Variants in GABRG2 observed in about 807,000 individuals in gnomAD.
The protein encoded by GABRG2 is gamma-aminobutyric acid receptor subunit gamma-2.
GABRG2 carries 16 observed loss-of-function variants against 56.4 expected under a neutral mutation model. The ratio of observed to expected loss-of-function variants is 0.28; its 90% confidence interval spans 0.19 to 0.43. The LOEUF (loss-of-function observed/expected upper bound fraction) is 0.43, where lower values mean the gene tolerates loss of function less well. Ranked by LOEUF, GABRG2 falls within the 20% of genes least tolerant of loss-of-function variation. The pLI is 1.00. For synonymous variants in GABRG2, 208 were observed against 205.5 expected, an observed-to-expected ratio of 1.01 and a Z score of -0.10; for missense variants, 327 against 582.7, an observed-to-expected ratio of 0.56 and a Z score of 4.52.
chr5:162,131,973 C>T (rs1763786808), intron 6 of GABRG2, among the ~76,000 whole-genome samples: 1 of 151,624 alleles, frequency 6.6e-6, no homozygotes, highest in Admixed American at 6.6e-5. Flanking sequence ...TTTTGGGTGG[C>T]ATTCAGAGTT....
chr5:162,149,825 G>T (rs1489799774), intron 8 of GABRG2: 1 of 350,420 alleles, frequency 2.9e-6, no homozygotes, highest in Non-Finnish European at 5.6e-6. Flanking sequence ...TATTGGTCAG[G>T]CTGGTCTCGA....
chr5:162,145,936 T>C (rs1764920021), intron 7 of GABRG2, among the ~76,000 whole-genome samples: 2 of 152,216 alleles, frequency 1.3e-5, no homozygotes, highest in Admixed American at 6.5e-5. Flanking sequence ...AAATGATTTT[T>C]AGTTAAGAAA....
At chr5:162,122,503 C>T (rs777393651) in intron 6 of GABRG2, among the ~76,000 whole-genome samples, 10 of 151,702 alleles carry the variant, frequency 6.6e-5, no homozygotes, top group Non-Finnish European at 1.0e-4. Context: ...ATAAACCGTT[C>T]GTTACACATA....
At chr5:162,152,565 C>A in intron 9 of GABRG2, 1 of 318,218 alleles carries the variant, frequency 3.1e-6, no homozygotes. Context: ...TAAGCCATAC[C>A]ATTGTGGTAT....
At chr5:162,147,616 G>A (rs1256382915) in intron 7 of GABRG2, among the ~76,000 whole-genome samples, 5 of 151,916 alleles carry the variant, frequency 3.3e-5, no homozygotes, top group East Asian at 1.9e-4. Context: ...CACCCACCTC[G>A]GCCTCCCAGA....
At chr5:162,069,637 C>G (rs771796882) in intron 1 of GABRG2, among the ~76,000 whole-genome samples, 3 of 152,146 alleles carry the variant, frequency 2.0e-5, no homozygotes, top group Middle Eastern at 3.4e-3. Context: ...CTTTTTGTAC[C>G]TTACTAATTT....
intron 9 of GABRG2, chr5:162,152,023 G>A (rs1364834171): frequency 5.5e-6 from 2 of 360,494 alleles, no homozygotes; most frequent in Non-Finnish European, 5.0e-6. Flanking sequence ...AAGCCAAAAT[G>A]AGCTTCCTCT....
chr5:162,084,281 C>T (rs1480135543), intron 1 of GABRG2, among the ~76,000 whole-genome samples: 1 of 151,806 alleles, frequency 6.6e-6, no homozygotes, highest in Non-Finnish European at 1.5e-5. Context: ...TGTACTAGAG[C>T]AGATGTCCCA....
chr5:162,115,944 C>T (rs1030035878), intron 6 of GABRG2, among the ~76,000 whole-genome samples: 2 of 151,956 alleles, frequency 1.3e-5, no homozygotes, highest in African/African-American at 4.8e-5. Flanking sequence ...ATATGATGCT[C>T]ATTTTCCAGA....
rs572041163 is a variant in GABRG2, at chr5:162,148,435, A to G, written c.923-673A>G. Reference sequence around the variant, plus strand: ...AGATACTTATTTTAATCCTATAATAATCTAAAAAGAATCCATCAATCAGAG... The same window carrying G: ...AGATACTTATTTTAATCCTATAATAGTCTAAAAAGAATCCATCAATCAGAG... On this transcript the variant is annotated intron_variant, in intron 7 of 9. Transcript: ENST00000639213. Among the ~76,000 whole-genome samples, 66 of 137,168 alleles carry G rather than the reference A, an allele frequency of 4.8e-4. 1 individual carries two copies. The highest frequency in any genetic ancestry group is 1.7e-3 in the African/African-American group (59 of 34,926). 90.0% of individuals were successfully genotyped at this position (137,168 alleles called of 152,430 possible). A position where few individuals can be genotyped will look rare whatever the true frequency, so the allele number is the denominator to read the frequency against.
chr5:162,075,864 A>T (rs1464318283), intron 1 of GABRG2, among the ~76,000 whole-genome samples: 2 of 152,132 alleles, frequency 1.3e-5, no homozygotes, highest in African/African-American at 4.8e-5. Flanking sequence ...GATGACCCTC[A>T]GTCAACCAGT....
At chr5:162,101,112 C>A in intron 4 of GABRG2, 123 bp from the exon 5 acceptor site, 1 of 729,766 alleles carries the variant, frequency 1.4e-6, no homozygotes, top group South Asian at 1.6e-5. Flanking sequence ...CATTGGGGAT[C>A]ACTCTGTGTT....
chr5:162,105,015 T>C (rs1309418800), intron 6 of GABRG2, among the ~76,000 whole-genome samples: 1 of 152,228 alleles, frequency 6.6e-6, no homozygotes, highest in East Asian at 1.9e-4. Context: ...CATTGTGTTC[T>C]CAGCTTACCA....
intron 6 of GABRG2, among the ~76,000 whole-genome samples, chr5:162,120,597 C>T (rs903706449): frequency 6.6e-6 from 1 of 152,094 alleles, no homozygotes. Flanking sequence ...ATAGAGACGG[C>T]ATGTGAGCTC....
intron 5 of GABRG2, chr5:162,102,610 A>C (rs1761512901): frequency 2.2e-6 from 1 of 451,532 alleles, no homozygotes; most frequent in Non-Finnish European, 4.4e-6. Flanking sequence ...GGCTCACTAC[A>C]GCCTTCGCTT....
chr5:162,141,035 G>T (rs1335523139), intron 6 of GABRG2, among the ~76,000 whole-genome samples: 2 of 151,330 alleles, frequency 1.3e-5, no homozygotes, highest in Non-Finnish European at 2.9e-5. Context: ...TCTTTTTTTT[G>T]TTTGTTTCTT....
intron 6 of GABRG2, among the ~76,000 whole-genome samples, chr5:162,113,407 A>G (rs1762393319): frequency 6.6e-6 from 1 of 152,204 alleles, no homozygotes; most frequent in Non-Finnish European, 1.5e-5. Context: ...TTCCACAATG[A>G]TGACAAGAAG....
At chr5:162,104,047 AT>A (rs1761628850) in intron 6 of GABRG2, 21 bp downstream of exon 6, 2 of 1,613,458 alleles carry the variant, frequency 1.2e-6, no homozygotes, top group Non-Finnish European at 8.5e-7. Flanking sequence ...CTGGCAAAGA[AT>A]TTCAAGTGAC....
intron 6 of GABRG2, among the ~76,000 whole-genome samples, chr5:162,126,729 A>G (rs888330795): frequency 2.0e-5 from 3 of 151,934 alleles, no homozygotes; most frequent in Admixed American, 6.6e-5. Context: ...TAGTTTTTCA[A>G]ATAACTCAGG....
Sources: gnomAD v4.1 joint callset for allele counts (sites outside exome capture counted in the v4.1 genomes callset) on GRCh38, gnomAD v4.1.1 for gene constraint, MANE v1.5 for transcripts, NCBI Gene and HGNC (gene_info 2026-07-23, HGNC 2026-07-21) for gene names.